NAXD: variants seen among roughly 807,000 people sequenced by gnomAD.
NAXD encodes NAD(P)HX dehydratase.
A neutral mutation model predicts 35.8 loss-of-function variants in NAXD; 22 were observed. That is an observed-to-expected ratio of 0.62 (90% CI 0.44 to 0.88). The LOEUF is 0.88. Ranked by LOEUF, NAXD falls within the 40% of genes least tolerant of loss-of-function variation. The probability of loss-of-function intolerance (pLI) is 0.00; values close to 1 mark genes in which losing one functional copy is unlikely to be tolerated. For synonymous variants in NAXD, 189 were observed against 177.6 expected, an observed-to-expected ratio of 1.06 and a Z score of -0.51; for missense variants, 428 against 437.7, an observed-to-expected ratio of 0.98 and a Z score of 0.20.
intron 1 of NAXD, among the ~76,000 whole-genome samples, chr13:110,619,953 C>T (rs1014842358): frequency 1.3e-5 from 2 of 152,032 alleles, no homozygotes; most frequent in African/African-American, 2.4e-5. Context: ...CATGCACCAC[C>T]GTGCCCAACT....
rs558007000 is a variant in NAXD, at chr13:110,633,108, G to A, written c.442-1437G>A. Reference sequence around the variant, plus strand: ...GGTGCTCGTCGGGGAGGCTCGGGCCGCACAGGAGCCCATGGAGGGGGTGGG... The same window carrying A: ...GGTGCTCGTCGGGGAGGCTCGGGCCACACAGGAGCCCATGGAGGGGGTGGG... On this transcript the variant is annotated intron_variant, in intron 5 of 9. Transcript: ENST00000680254. Among the ~76,000 whole-genome samples the A allele has an allele frequency of 7.1e-4, 108 of 152,268 alleles. No homozygotes were observed. The Middle Eastern group carries it at 0.024, about 34-fold the overall frequency.
At position 110,625,265 on chromosome 13, in the gene NAXD, G is replaced by T. The variant is rs147657999; in HGVS notation, c.319G>T (p.Val107Phe). The change falls in exon 4 of 10, where the codon GTC (valine) becomes TTC (phenylalanine). Residue 107 changes from valine to phenylalanine, a missense_variant. Around this residue, in one of 3 missense-constraint regions of NAXD, gnomAD observed 208 missense variants for 193.0 expected, o/e 1.08. Coordinates refer to ENST00000680254, the MANE Select transcript of NAXD (RefSeq NM_001242882.2). ...TAAGGCCTACAGCCCGGAGCTGATCGTCCACCCAGTTCTGTGAGTCGCTCT... is the reference window on the plus strand; with the variant it reads ...TAAGGCCTACAGCCCGGAGCTGATCTTCCACCCAGTTCTGTGAGTCGCTCT... ...VIKAYSPELI[V>F]HPVLDSPNAV... 3 of 1,612,202 alleles carry T rather than the reference G, an allele frequency of 1.9e-6. No homozygotes were observed. The highest frequency in any genetic ancestry group is 1.7e-6 in the Non-Finnish European group (2 of 1,178,344).
intron 3 of NAXD, 132 bp from the exon 4 acceptor site, chr13:110,625,058 G>A: frequency 1.5e-6 from 1 of 657,914 alleles, no homozygotes; most frequent in Non-Finnish European, 2.7e-6. Context: ...ACCTGGCTGG[G>A]TGTAATCCGA....
intron 1 of NAXD, 58 bp from the exon 2 acceptor site, chr13:110,622,156 TTA>T (rs1886290797): frequency 1.4e-6 from 2 of 1,423,114 alleles, no homozygotes; most frequent in Non-Finnish European, 1.9e-6. Flanking sequence ...TAATGGGCTA[TTA>T]TGTGTACTAA....
intron 1 of NAXD, chr13:110,616,418 GGT>G (rs143598501): frequency 2.0e-5 from 3 of 152,762 alleles, no homozygotes; most frequent in Non-Finnish European, 4.4e-5. Flanking sequence ...CCCGGTTCGG[GGT>G]GTGTGTGTGC....
In NAXD at chr13:110,628,850, G is replaced by A. The variant is rs1342246267; in HGVS notation, c.441+1303G>A. Among the ~76,000 whole-genome samples, 1 of 152,186 alleles carries A rather than the reference G, an allele frequency of 6.6e-6. No homozygotes were observed. Among genetic ancestry groups the A allele is most frequent in the Admixed American group, 6.5e-5 (1 of 15,286 alleles). On this transcript the variant is annotated intron_variant, in intron 5 of 9. Coordinates refer to ENST00000680254, the MANE Select transcript of NAXD (RefSeq NM_001242882.2). This position sits in a 1 kb window ranked among gnomAD's most constrained non-coding sequence, Gnocchi z 4.1. ...TCCTGGGGGTGCGGATGAATTAGAG[G>A]TGAACGAGCCAGAGTGCTCTGCTTC...
intron 1 of NAXD, among the ~76,000 whole-genome samples, 181 bp from the exon 2 acceptor site, chr13:110,622,035 A>G (rs7988827): frequency 0.03 from 4,527 of 149,494 alleles, 244 homozygotes; most frequent in African/African-American, 0.1. Context: ...GTCTCAAAAA[A>G]GAAAAAAAAA....
chr13:110,621,435 C>G (rs1347611850), intron 1 of NAXD, among the ~76,000 whole-genome samples: 1 of 152,204 alleles, frequency 6.6e-6, no homozygotes, highest in African/African-American at 2.4e-5. Flanking sequence ...GTGGCTCATG[C>G]CTGTAATCCC....
Position 110,628,752 on chromosome 13 carries a change from C to T in NAXD, c.441+1205C>T, listed in dbSNP as rs1468137284. 6.6e-6 allele frequency among the ~76,000 whole-genome samples: 1 copy of T among 152,012 alleles called. No individual in the cohort carries two copies. Reference sequence around the variant, plus strand: ...ACCCTCTGTCATCCCCGGGGAGAGGCTCTCAATGGGGAGTCCCATCTGCAG... The same window carrying T: ...ACCCTCTGTCATCCCCGGGGAGAGGTTCTCAATGGGGAGTCCCATCTGCAG... On this transcript the variant is annotated intron_variant, in intron 5 of 9. Coordinates refer to ENST00000680254, the MANE Select transcript of NAXD (RefSeq NM_001242882.2). The surrounding 1 kb of genome is among the most constrained non-coding windows in gnomAD (Gnocchi z 4.1).
intron 5 of NAXD, among the ~76,000 whole-genome samples, chr13:110,633,392 A>G (rs866651889): frequency 3.4e-4 from 52 of 152,044 alleles, no homozygotes; most frequent in African/African-American, 5.8e-4. Context: ...AGGCAGCCCC[A>G]GTTCCCGCTC....
At position 110,628,739 on chromosome 13, in the gene NAXD, C is replaced by T. The variant is rs1224053429; in HGVS notation, c.441+1192C>T. On this transcript the variant is annotated intron_variant, in intron 5 of 9. Coordinates refer to ENST00000680254, the MANE Select transcript of NAXD (RefSeq NM_001242882.2). This position sits in a 1 kb window ranked among gnomAD's most constrained non-coding sequence, Gnocchi z 4.1. ...TAGGAGCAGTAGAACCCTCTGTCAT[C>T]CCCGGGGAGAGGCTCTCAATGGGGA... Among the ~76,000 whole-genome samples, 3 of 152,094 alleles carry T rather than the reference C, an allele frequency of 2.0e-5. No individual in the cohort carries two copies. The highest frequency in any genetic ancestry group is 2.0e-4 in the Admixed American group (3 of 15,274).
chr13:110,616,145 G>A lies in NAXD; in HGVS notation c.46+498G>A, dbSNP rs1886043926. On this transcript the variant is annotated intron_variant, in intron 1 of 9. Coordinates refer to ENST00000680254, the MANE Select transcript of NAXD (RefSeq NM_001242882.2). Reference sequence around the variant, plus strand: ...CGCTCCCGGTCTGGGAAAGATGCTCGCCAACTGCGGGCTTGCTGTTTGGTC... The same window carrying A: ...CGCTCCCGGTCTGGGAAAGATGCTCACCAACTGCGGGCTTGCTGTTTGGTC... The A allele has an allele frequency of 1.6e-5, 4 of 243,422 alleles. No individual in the cohort carries two copies. The South Asian group carries it at 5.3e-4, about 32-fold the overall frequency. 15.1% of individuals were successfully genotyped at this position (243,422 alleles called of 1,614,324 possible). A position where few individuals can be genotyped will look rare whatever the true frequency, so the allele number is the denominator to read the frequency against.
At position 110,635,516 on chromosome 13, in the gene NAXD, C is replaced by G. The variant is rs757124950; in HGVS notation, c.646C>G (p.Leu216Val). ...TGACAGCCATGGATCTGTGCTAAGA[C>G]TCAGCCAAGCCCTGGGCAACGTGAC... Reference protein sequence around the residue: ...SDDSHGSVLRLSQALGNVTVV... With the variant: ...SDDSHGSVLRVSQALGNVTVV... The change falls in exon 8 of 10, where the codon CTC becomes GTC. Residue 216 changes from leucine (L) to valine (V), a missense_variant. Leu to Val is a conservative substitution (Grantham distance 32). Around this residue, in one of 3 missense-constraint regions of NAXD, gnomAD observed 209 missense variants for 214.6 expected, o/e 0.97. Coordinates refer to ENST00000680254, the MANE Select transcript of NAXD (RefSeq NM_001242882.2). 1.2e-6 allele frequency: 2 copies of G among 1,614,170 alleles called. No homozygotes were observed. The highest frequency in any genetic ancestry group is 1.1e-5 in the South Asian group (1 of 91,086).
chr13:110,631,174 T>C (rs1205820941), intron 5 of NAXD, among the ~76,000 whole-genome samples: 1 of 152,236 alleles, frequency 6.6e-6, no homozygotes, highest in Non-Finnish European at 1.5e-5. Flanking sequence ...AATGCACCTG[T>C]CCTCACACTG....
intron 1 of NAXD, among the ~76,000 whole-genome samples, chr13:110,621,741 G>A (rs1886272914): frequency 6.7e-6 from 1 of 149,250 alleles, no homozygotes; most frequent in Non-Finnish European, 1.5e-5. Flanking sequence ...TTAATTACAT[G>A]TGTTCAGGCT....
At chr13:110,618,528 C>T (rs1886142383) in intron 1 of NAXD, among the ~76,000 whole-genome samples, 1 of 152,184 alleles carries the variant, frequency 6.6e-6, no homozygotes, top group Non-Finnish European at 1.5e-5. Flanking sequence ...ATAAAGATTG[C>T]CGTGTGAATG....
At chr13:110,619,700 A>G (rs1794532582) in intron 1 of NAXD, among the ~76,000 whole-genome samples, 1 of 152,180 alleles carries the variant, frequency 6.6e-6, no homozygotes, top group Admixed American at 6.5e-5. Flanking sequence ...GTGCGTGTAC[A>G]TGCACTGCTG....
In NAXD at chr13:110,634,779, G is replaced by T. The variant is rs989530950; in HGVS notation, c.597+3G>T. ...TCAGCAGACTGTATGACGCTGTGGT[G>T]AGTCAGTGGACCCCCTGGAGGGTAG... On this transcript the variant is annotated splice_donor_region_variant and intron_variant, in intron 7 of 9. Coordinates refer to ENST00000680254, the MANE Select transcript of NAXD (RefSeq NM_001242882.2). 1.9e-6 allele frequency: 3 copies of T among 1,608,410 alleles called. No homozygotes were observed. The African/African-American group carries it at 4.0e-5, about 21-fold the overall frequency.
chr13:110,635,352 T>TG, intron 7 of NAXD, 116 bp from the exon 8 acceptor site: 1 of 1,266,136 alleles, frequency 7.9e-7, no homozygotes, highest in Non-Finnish European at 1.1e-6. Flanking sequence ...AACAGGTGCC[T>TG]GGGTGATCCC....
Sources: allele counts gnomAD v4.1 joint callset (sites outside exome capture counted in the v4.1 genomes callset), GRCh38; gene constraint gnomAD v4.1.1; regional missense constraint gnomAD v4.1.1; non-coding constraint Gnocchi (gnomAD v3.1); transcripts MANE v1.5; gene names NCBI Gene and HGNC (gene_info 2026-07-23, HGNC 2026-07-21).